The following TCF20 variants were observed in gnomAD, a reference collection of about 807,000 sequenced individuals.
The protein encoded by TCF20 is transcription factor 20, also known as SPRE-binding protein.
A neutral mutation model predicts 148.6 loss-of-function variants in TCF20; 3 were observed. The observed-to-expected ratio is 0.02, with a 90% CI of 0.01 to 0.05. TCF20 has a LOEUF of 0.05. Ranked by LOEUF, TCF20 falls within the 10% of genes least tolerant of loss-of-function variation. The pLI is 1.00. For synonymous variants in TCF20, 1,049 were observed against 909.5 expected, an observed-to-expected ratio of 1.15 and a Z score of -2.76; for missense variants, 2,350 against 2,429.3, an observed-to-expected ratio of 0.97 and a Z score of 0.69.
Position 42,209,790 on chromosome 22 carries a change from T to C in TCF20, c.5516A>G (p.Glu1839Gly). Reference protein sequence around the residue: ...PTTSEGGPELELQIPELPLDS... With the variant: ...PTTSEGGPELGLQIPELPLDS... Reference sequence around the variant, plus strand: ...AAGAGGTAGTTCAGGGATTTGTAACTCCAGCTCAGGGCCACCTTCTGAAGT... The same window carrying C: ...AAGAGGTAGTTCAGGGATTTGTAACCCCAGCTCAGGGCCACCTTCTGAAGT... The change falls in exon 2 of 6, where the codon GAG becomes GGG. Residue 1839 changes from glutamate (E) to glycine (G), a missense_variant. Around this residue, in one of 7 missense-constraint regions of TCF20, gnomAD observed 374 missense variants for 398.3 expected, o/e 0.94. Transcript: ENST00000677622. 2 of 1,614,166 alleles carry C rather than the reference T, an allele frequency of 1.2e-6. No homozygotes were observed. Among genetic ancestry groups the C allele is most frequent in the Non-Finnish European group, 1.7e-6 (2 of 1,180,026 alleles).
intron 1 of TCF20, among the ~76,000 whole-genome samples, chr22:42,311,952 G>A (rs974378300): frequency 1.3e-5 from 2 of 152,318 alleles, no homozygotes; most frequent in South Asian, 4.1e-4. Flanking sequence ...CTGCATTTTA[G>A]AAGAACTTAG....
At chr22:42,341,342 G>A (rs540710012) in intron 1 of TCF20, among the ~76,000 whole-genome samples, 1 of 152,302 alleles carries the variant, frequency 6.6e-6, no homozygotes, top group South Asian at 2.1e-4. Context: ...CAGAGGGCCT[G>A]ACATAACTCT....
At chr22:42,319,165 G>C (rs777987070) in intron 1 of TCF20, among the ~76,000 whole-genome samples, 2 of 152,320 alleles carry the variant, frequency 1.3e-5, no homozygotes, top group Middle Eastern at 3.4e-3. Flanking sequence ...AGTCTAGGAA[G>C]ACTTCCTGGA....
chr22:42,211,674 C>T lies in TCF20; in HGVS notation c.3632G>A (p.Arg1211Lys), dbSNP rs1304306621. The T allele has an allele frequency of 6.2e-7, 1 of 1,614,172 alleles. No homozygotes were observed. The change falls in exon 2 of 6, where the codon AGG (arginine) becomes AAG (lysine). Residue 1211 changes from arginine (R) to lysine (K), a missense_variant. Arg to Lys is a conservative substitution (Grantham distance 26, BLOSUM62 2). Around this residue, in one of 7 missense-constraint regions of TCF20, gnomAD observed 1,641 missense variants for 1,662.6 expected, o/e 0.99. Coordinates refer to ENST00000677622, the MANE Select transcript of TCF20 (RefSeq NM_001378418.1). ...SGPPGMSSQK[R>K]YGPPHETDGH... is the part of the protein sequence containing the mutation. ...ATCAGTCTCATGGGGCGGCCCATAC[C>T]TTTTTTGACTGGACATTCCTGGAGG... is the stretch of plus-strand genomic sequence containing the variant.
intron 2 of TCF20, among the ~76,000 whole-genome samples, chr22:42,189,670 C>T (rs190961424): frequency 5.6e-4 from 86 of 152,254 alleles, no homozygotes; most frequent in Non-Finnish European, 2.6e-4. Flanking sequence ...CAGGACATAG[C>T]CTAAAACTTG....
chr22:42,197,160 G>A (rs1165417298), intron 2 of TCF20, among the ~76,000 whole-genome samples: 1 of 152,048 alleles, frequency 6.6e-6, no homozygotes, highest in Admixed American at 6.6e-5. Flanking sequence ...CAATTCTAAG[G>A]CTGATGCTAG....
At chr22:42,225,620 C>CAAAAAAAAAAA (rs57952215) in intron 1 of TCF20, among the ~76,000 whole-genome samples, 37 of 74,774 alleles carry the variant, frequency 4.9e-4, no homozygotes, top group African/African-American at 1.7e-3. Context: ...GACTCCGTCT[C>CAAAAAAAAAAA]AAAAAAAAAA....
rs554595751 is a variant in TCF20 at position 42,336,839 on chromosome 22, T to C, written c.-37+6640A>G. Among the ~76,000 whole-genome samples, 7 of 152,252 alleles carry C rather than the reference T, an allele frequency of 4.6e-5. No individual in the cohort carries two copies. In the East Asian group the frequency reaches 1.4e-3, roughly 29 times the overall value. ...GCTCTTCAGGCCTCAACTCAAACAT[T>C]TCCTCTTGCAGAGACCTCTCCAGAG... is the stretch of plus-strand genomic sequence containing the variant. On this transcript the variant is annotated intron_variant, in intron 1 of 1. Transcript: ENST00000515426.
chr22:42,222,493 C>A (rs1009598457), intron 1 of TCF20, among the ~76,000 whole-genome samples: 3 of 152,110 alleles, frequency 2.0e-5, no homozygotes, highest in African/African-American at 7.2e-5. Flanking sequence ...ATCACACCCC[C>A]CCATAGGCCC....
In TCF20 at chr22:42,160,664, T is replaced by C. The variant is rs1193159252; in HGVS notation, c.*739A>G. On this transcript the variant is annotated 3_prime_UTR_variant, in exon 6 of 6. Coordinates refer to ENST00000677622, the MANE Select transcript of TCF20 (RefSeq NM_001378418.1). Reference sequence around the variant, plus strand: ...TTAAAAAAAAAAAACCATAAATAAATAGTGTTTCTGGAAATGAAAAAAAAT... The same window carrying C: ...TTAAAAAAAAAAAACCATAAATAAACAGTGTTTCTGGAAATGAAAAAAAAT... 2 of 151,676 alleles carry C rather than the reference T, an allele frequency of 1.3e-5. No individual in the cohort carries two copies. The highest frequency in any genetic ancestry group is 2.9e-5 in the Non-Finnish European group (2 of 67,812). The allele number at this position is 151,676 out of a possible 1,614,324, so 9.4% of individuals were successfully genotyped here. A position where few individuals can be genotyped will look rare whatever the true frequency, so the allele number is the denominator to read the frequency against.
intron 1 of TCF20, among the ~76,000 whole-genome samples, chr22:42,250,444 C>G (rs1424445689): frequency 1.2e-5 from 1 of 80,088 alleles, no homozygotes; most frequent in Non-Finnish European, 2.4e-5. Flanking sequence ...GAAACTCCAT[C>G]TCAAAAAAAA....
At chr22:42,271,867 A>G (rs565505662), upstream of TCF20, among the ~76,000 whole-genome samples, 2 of 152,232 alleles carry the variant, frequency 1.3e-5, no homozygotes, top group African/African-American at 4.8e-5. Context: ...AGATTTCCAT[A>G]TATTTGAGGT....
chr22:42,165,548 A>G (rs545632223), intron 5 of TCF20, among the ~76,000 whole-genome samples: 2 of 152,344 alleles, frequency 1.3e-5, no homozygotes, highest in African/African-American at 4.8e-5. Flanking sequence ...GGGCCTGCAG[A>G]AGGACTTTTC....
intron 2 of TCF20, among the ~76,000 whole-genome samples, chr22:42,185,627 C>G (rs1178038608): frequency 6.6e-6 from 1 of 152,224 alleles, no homozygotes; most frequent in Non-Finnish European, 1.5e-5. Flanking sequence ...GGGCTACATA[C>G]AAGGAGCTAC....
chr22:42,180,986 G>A (rs902744418), intron 2 of TCF20, among the ~76,000 whole-genome samples: 3 of 152,206 alleles, frequency 2.0e-5, no homozygotes, highest in Admixed American at 2.0e-4. Context: ...TGTTTATCAT[G>A]TGCCCTCGCA....
chr22:42,169,980 G>T, intron 3 of TCF20, 84 bp from the exon 4 acceptor site: 2 of 1,412,616 alleles, frequency 1.4e-6, no homozygotes, highest in Non-Finnish European at 9.9e-7. Flanking sequence ...GACAGGGTCA[G>T]ACATAAAGGT....
intron 1 of TCF20, among the ~76,000 whole-genome samples, chr22:42,235,222 G>T (rs945705270): frequency 1.3e-4 from 20 of 151,944 alleles, no homozygotes. Context: ...CTATGATAAG[G>T]AGGGTGCCAT....
At chr22:42,341,885 G>A (rs1569213769) in intron 1 of TCF20, among the ~76,000 whole-genome samples, 2 of 152,204 alleles carry the variant, frequency 1.3e-5, no homozygotes, top group African/African-American at 2.4e-5. Flanking sequence ...TCACCCACCT[G>A]AGAAGGAGAT....
At chr22:42,226,488 T>C (rs779893836) in intron 1 of TCF20, among the ~76,000 whole-genome samples, 5 of 151,956 alleles carry the variant, frequency 3.3e-5, no homozygotes, top group Non-Finnish European at 7.4e-5. Flanking sequence ...AGATCACACC[T>C]GAGGTCAGAA....
Sources: allele counts gnomAD v4.1 joint callset (sites outside exome capture counted in the v4.1 genomes callset), GRCh38; gene constraint gnomAD v4.1.1; regional missense constraint gnomAD v4.1.1; transcripts MANE v1.5; gene names NCBI Gene and HGNC (gene_info 2026-07-23, HGNC 2026-07-21).